Variants in AGRN observed in about 807,000 individuals in gnomAD.
The protein encoded by AGRN is agrin.
In AGRN, 106 loss-of-function variants were observed where a neutral mutation model predicts 211.0. The observed-to-expected ratio is 0.50, with a 90% CI of 0.43 to 0.59. AGRN has a LOEUF of 0.59. Ranked by LOEUF, AGRN falls within the 20% of genes least tolerant of loss-of-function variation. The pLI, the probability that AGRN is intolerant of heterozygous loss-of-function variation, is 0.00. For missense variants in AGRN, 3,040 were observed against 2,982.6 expected, an observed-to-expected ratio of 1.02 and a Z score of -0.45; for synonymous variants, 1,525 against 1,332.5, an observed-to-expected ratio of 1.14 and a Z score of -3.15.
intron 2 of AGRN, among the ~76,000 whole-genome samples, chr1:1,024,428 G>A (rs1353781599): frequency 2.0e-5 from 3 of 152,058 alleles, no homozygotes. Context: ...GATGGAGGGA[G>A]CTTGAGCCTA....
intron 30 of AGRN, 106 bp downstream of exon 30, chr1:1,050,943 T>C: frequency 1.3e-6 from 2 of 1,545,198 alleles, no homozygotes; most frequent in Non-Finnish European, 1.7e-6. Flanking sequence ...TCTGTCCTGT[T>C]CTCTTGGCCG....
At position 1,044,421 on chromosome 1, in the gene AGRN, G is replaced by A; in HGVS notation, c.2236G>A (p.Ala746Thr). 2 of 1,610,440 alleles carry A rather than the reference G, an allele frequency of 1.2e-6. No homozygotes were observed. The highest frequency in any genetic ancestry group is 1.7e-6 in the Non-Finnish European group (2 of 1,178,838). Residue 746 changes from alanine to threonine, a missense_variant, in exon 12 of 36, where the codon GCC becomes ACC. Ala to Thr is a moderately conservative substitution (Grantham distance 58). Around this residue, in one of 3 missense-constraint regions of AGRN, gnomAD observed 1,498 missense variants for 1,457.8 expected, o/e 1.03. Coordinates refer to ENST00000379370, the MANE Select transcript of AGRN (RefSeq NM_198576.4). ...GTCACAGCGAGGGCTCTACGTAGCGGCCCAGGGAGCCTGCCGAGGTGAGCC... is the reference window on the plus strand; with the variant it reads ...GTCACAGCGAGGGCTCTACGTAGCGACCCAGGGAGCCTGCCGAGGTGAGCC... ...CESQRGLYVA[A>T]QGACRGPTFA...
Position 1,051,712 on chromosome 1 carries a change from C to T in AGRN, c.5564-16C>T, listed in dbSNP as rs758134511. The T allele has an allele frequency of 7.4e-6, 12 of 1,613,432 alleles. No homozygotes were observed. In the South Asian group the frequency reaches 9.9e-5, roughly 13 times the overall value. On this transcript the variant is annotated splice_polypyrimidine_tract_variant and intron_variant, in intron 32 of 35. Transcript: ENST00000379370. ...CGGAGCCCACGAGGCCCCACCCTCA[C>T]CTGCCTATCTCACAGGGCTGGTGGA...
intron 24 of AGRN, 72 bp from the exon 25 acceptor site, chr1:1,049,164 G>GC: frequency 1.8e-6 from 2 of 1,092,530 alleles, no homozygotes; most frequent in Non-Finnish European, 2.4e-6. Context: ...GGGGACGGGG[G>GC]CGGGGCAGCT....
rs772628178 is a variant in AGRN at position 1,041,560 on chromosome 1, G to GC, written c.1038dup (p.Glu347ArgfsTer76). On this transcript the variant is annotated frameshift_variant, in exon 6 of 36. Coordinates refer to ENST00000379370, the MANE Select transcript of AGRN (RefSeq NM_198576.4). LOFTEE classifies it high-confidence loss of function. ...CGCGGCGCCCTGAGATGCTCCTACG[G>GC]CCCGAGAGCTGCCCTGCCCGGCAGG... 1.2e-6 allele frequency: 2 copies of GC among 1,609,108 alleles called. No homozygotes were observed. Among genetic ancestry groups the GC allele is most frequent in the South Asian group, 1.1e-5 (1 of 90,990 alleles).
rs1214439755 is a variant in AGRN, at chr1:1,020,340, C to T, written c.168C>T (p.Asn56=). 1.3e-6 allele frequency: 2 copies of T among 1,494,410 alleles called. No individual in the cohort carries two copies. The highest frequency in any genetic ancestry group is 2.5e-5 in the South Asian group (2 of 79,380). The allele number at this position is 1,494,410 out of a possible 1,614,324, so 92.6% of individuals were successfully genotyped here. Residue 56 remains asparagine (N), a synonymous_variant, in exon 1 of 36, where the codon AAC becomes AAT. Coordinates refer to ENST00000379370, the MANE Select transcript of AGRN (RefSeq NM_198576.4). ...VLTGTVEEIL[N]VDPVQHTYSC... is the part of the protein sequence containing the mutation. ...CCGGGACGGTGGAGGAGATCCTCAA[C>T]GTGGACCCGGTGCAGCACACGTACT...
intron 27 of AGRN, 48 bp from the exon 28 acceptor site, chr1:1,050,185 A>C: frequency 1.9e-6 from 3 of 1,606,432 alleles, no homozygotes; most frequent in Non-Finnish European, 2.6e-6. Flanking sequence ...CATGGGGTGC[A>C]GGAGGCCCCG....
chr1:1,047,716 G>C, intron 21 of AGRN, 29 bp downstream of exon 21: 1 of 1,612,740 alleles, frequency 6.2e-7, no homozygotes, highest in Non-Finnish European at 8.5e-7. Context: ...ACCCTTCCTG[G>C]GAGGCAATGG....
At chr1:1,045,624 A>G in intron 14 of AGRN, 101 bp downstream of exon 14, 1 of 1,605,848 alleles carries the variant, frequency 6.2e-7, no homozygotes, top group Non-Finnish European at 8.5e-7. Flanking sequence ...GGCCTGACCC[A>G]CACCTGGCTG....
chr1:1,049,495 G>A (rs780762658), intron 25 of AGRN, 44 bp downstream of exon 25: 2 of 1,599,022 alleles, frequency 1.3e-6, no homozygotes, highest in Non-Finnish European at 8.5e-7. Context: ...CCGGCCCTTT[G>A]GGGTCCCGGT....
chr1:1,048,724 G>A lies in AGRN; in HGVS notation c.4106-143G>A, dbSNP rs991985582. ...GGAGGTTGCGGTGAGCCAGGATCGC[G>A]CCACTGCACTCCAGCCGGGGCAAAA... On this transcript the variant is annotated intron_variant, in intron 23 of 35. Transcript: ENST00000379370. This position sits in a 1 kb window ranked among gnomAD's most constrained non-coding sequence, Gnocchi z 5.9. The A allele has an allele frequency of 2.8e-5, 28 of 992,864 alleles. No homozygotes were observed. Among genetic ancestry groups the A allele is most frequent in the African/African-American group, 9.0e-5 (5 of 55,286 alleles). The allele number at this position is 992,864 out of a possible 1,614,324, so 61.5% of individuals were successfully genotyped here. A position where few individuals can be genotyped will look rare whatever the true frequency, so the allele number is the denominator to read the frequency against.
rs1557701594 is a variant in AGRN at position 1,041,671 on chromosome 1, G to T, written c.1146G>T (p.Gln382His). ...GGGCCGCCCGGGGTCTCCTCCTGCA[G>T]AAAGTGCGCTCCGGCCAGTGCCAGG... ...RSGAARGLLL[Q>H]KVRSGQCQGR... The change falls in exon 6 of 36, where the codon CAG (glutamine) becomes CAT (histidine). Residue 382 changes from glutamine to histidine, a missense_variant. Physicochemically the swap from Gln to His is conservative, Grantham distance 24. Around this residue, in one of 3 missense-constraint regions of AGRN, gnomAD observed 1,498 missense variants for 1,457.8 expected, o/e 1.03. Transcript: ENST00000379370. 6.2e-7 allele frequency: 1 copy of T among 1,610,956 alleles called. No individual in the cohort carries two copies. The highest frequency in any genetic ancestry group is 8.5e-7 in the Non-Finnish European group (1 of 1,179,156).
At chr1:1,029,105 C>T (rs1392652431) in intron 2 of AGRN, among the ~76,000 whole-genome samples, 2 of 149,992 alleles carry the variant, frequency 1.3e-5, no homozygotes, top group Non-Finnish European at 3.0e-5. Flanking sequence ...CCCACAGCCA[C>T]GCCACCCTTT....
In AGRN at chr1:1,046,925, C is replaced by T. The variant is rs1347900682; in HGVS notation, c.3356C>T (p.Pro1119Leu). 2.5e-6 allele frequency: 4 copies of T among 1,579,100 alleles called. No homozygotes were observed. The highest frequency in any genetic ancestry group is 1.9e-5 in the Admixed American group (1 of 54,044). Residue 1119 changes from proline (P) to leucine (L), a missense_variant, in exon 19 of 36, where the codon CCC becomes CTC. Physicochemically the swap from Pro to Leu is moderately conservative, Grantham distance 98. This residue lies in a region of AGRN where 1,537 missense variants were observed against 1,505.0 expected (regional missense o/e 1.02). Transcript: ENST00000379370. ...ALGCCSDGKT[P>L]SLDAEGSNCP... Reference sequence around the variant, plus strand: ...GGCTGCTGCTCTGATGGGAAGACGCCCTCGCTGGACGCAGAGGGCTCCAAC... The same window carrying T: ...GGCTGCTGCTCTGATGGGAAGACGCTCTCGCTGGACGCAGAGGGCTCCAAC...
intron 7 of AGRN, among the ~76,000 whole-genome samples, 160 bp from the exon 8 acceptor site, chr1:1,043,079 C>T (rs1346370078): frequency 2.6e-5 from 4 of 152,120 alleles, no homozygotes; most frequent in African/African-American, 4.8e-5. Context: ...CGTGTCTGTC[C>T]CTTTCTCTGC....
chr1:1,048,114 C>A lies in AGRN; in HGVS notation c.3854C>A (p.Thr1285Asn). 2 of 1,568,216 alleles carry A rather than the reference C, an allele frequency of 1.3e-6. No individual in the cohort carries two copies. Among genetic ancestry groups the A allele is most frequent in the Non-Finnish European group, 8.6e-7 (1 of 1,164,634 alleles). Residue 1285 changes from threonine to asparagine, a missense_variant, in exon 23 of 36, where the codon ACC becomes AAC. Thr to Asn is a moderately conservative substitution (Grantham distance 65). Coordinates refer to ENST00000379370, the MANE Select transcript of AGRN (RefSeq NM_198576.4). This position sits in a 1 kb window ranked among gnomAD's most constrained non-coding sequence, Gnocchi z 5.9. ...TASRLPSSAVTPRAPHPSHTS... is the reference protein window; with the variant it reads ...TASRLPSSAVNPRAPHPSHTS... Reference sequence around the variant, plus strand: ...TCGCGCCTGCCGTCCTCTGCTGTGACCCCTCGGGCCCCGCACCCCAGTCAC... The same window carrying A: ...TCGCGCCTGCCGTCCTCTGCTGTGAACCCTCGGGCCCCGCACCCCAGTCAC...
At chr1:1,043,134 T>C in intron 7 of AGRN, 105 bp from the exon 8 acceptor site, 1 of 1,291,278 alleles carries the variant, frequency 7.7e-7, no homozygotes, top group East Asian at 2.5e-5. Context: ...TCTCTCTTCC[T>C]CCACCATCCC....
At position 1,042,138 on chromosome 1, in the gene AGRN, C is replaced by T. The variant is rs776352508; in HGVS notation, c.1360C>T (p.Pro454Ser). The T allele has an allele frequency of 6.3e-7, 1 of 1,599,172 alleles. No homozygotes were observed. Among genetic ancestry groups the T allele is most frequent in the Admixed American group, 1.7e-5 (1 of 59,858 alleles). ...TGAGTGCCGGCAGCAGCGTGCCATC[C>T]CCAGCAAGCACCAGGGCCCGTGTGG... ...QAECRQQRAI[P>S]SKHQGPCDQA... Residue 454 changes from proline to serine, a missense_variant, in exon 7 of 36, where the codon CCC becomes TCC. Transcript: ENST00000379370.
At chr1:1,021,742 G>A (rs1354801036) in intron 1 of AGRN, among the ~76,000 whole-genome samples, 1 of 152,256 alleles carries the variant, frequency 6.6e-6, no homozygotes, top group African/African-American at 2.4e-5. Flanking sequence ...AGAAGCCCGA[G>A]GAAGGGGCGT....
Sources: allele counts gnomAD v4.1 joint callset (sites outside exome capture counted in the v4.1 genomes callset), GRCh38; gene constraint gnomAD v4.1.1; regional missense constraint gnomAD v4.1.1; non-coding constraint Gnocchi (gnomAD v3.1); transcripts MANE v1.5; gene names NCBI Gene and HGNC (gene_info 2026-07-23, HGNC 2026-07-21).